SLC14A2: variants seen among roughly 807,000 people sequenced by gnomAD.
The protein encoded by SLC14A2 is urea transporter 2.
In SLC14A2, 91 loss-of-function variants were observed where a neutral mutation model predicts 104.6. The observed-to-expected ratio is 0.87, with a 90% CI of 0.73 to 1.04. The LOEUF (loss-of-function observed/expected upper bound fraction) is 1.04. Ranked by LOEUF, SLC14A2 falls within the 50% of genes least tolerant of loss-of-function variation. The pLI is 0.00. For synonymous variants in SLC14A2, 476 were observed against 466.4 expected (o/e 1.02, Z -0.27); for missense variants, 1,189 against 1,156.0 (o/e 1.03, Z -0.41).
intron 10 of SLC14A2, among the ~76,000 whole-genome samples, chr18:45,644,657 G>T (rs1162198034): frequency 6.6e-6 from 1 of 152,080 alleles, no homozygotes; most frequent in Non-Finnish European, 1.5e-5. Context: ...TCACACTGAT[G>T]GGATTTTAAA....
chr18:45,284,009 A>G (rs1233804104), intron 1 of SLC14A2, among the ~76,000 whole-genome samples: 2 of 152,238 alleles, frequency 1.3e-5, no homozygotes, highest in South Asian at 2.1e-4. Flanking sequence ...TACACATTCA[A>G]ATGACAGTAT....
chr18:45,548,934 G>T (rs900972529), intron 2 of SLC14A2, among the ~76,000 whole-genome samples: 7 of 152,186 alleles, frequency 4.6e-5, no homozygotes, highest in African/African-American at 7.2e-5. Flanking sequence ...TGGAGCATCT[G>T]CAGCAGGTAT....
chr18:45,302,295 G>C (rs113218829), intron 1 of SLC14A2, among the ~76,000 whole-genome samples: 14,067 of 152,286 alleles, frequency 0.092, 841 homozygotes, highest in African/African-American at 0.15. Flanking sequence ...GTTGGAATAA[G>C]TGGAATAAGA....
At chr18:45,218,564 T>C (rs191713087) in intron 1 of SLC14A2, among the ~76,000 whole-genome samples, 252 of 152,350 alleles carry the variant, frequency 1.7e-3, no homozygotes, top group Middle Eastern at 3.4e-3. Flanking sequence ...ATATATGCCA[T>C]GTGGTACCCA....
At position 45,414,755 on chromosome 18, in the gene SLC14A2, AAAATATATAT is replaced by A. The variant is rs1249403304; in HGVS notation, c.-124-68476_-124-68467del. ...CAAGGCACCGAGCGTAAAAAAAAAAAAAATATATATATATATATATATATATATATATATA... is the reference window on the plus strand; with the variant it reads ...CAAGGCACCGAGCGTAAAAAAAAAAAATATATATATATATATATATATATA... On this transcript the variant is annotated intron_variant, in intron 1 of 20. Transcript: ENST00000586448. 5.2e-3 allele frequency among the ~76,000 whole-genome samples: 332 copies of A among 64,128 alleles called. 14 individuals carry two copies. Among genetic ancestry groups the A allele is most frequent in the African/African-American group, 0.025 (311 of 12,512 alleles). The allele number at this position is 64,128 out of a possible 152,430, so 42.1% of individuals were successfully genotyped here.
At chr18:45,503,974 G>T (rs1334546030) in intron 2 of SLC14A2, among the ~76,000 whole-genome samples, 3 of 152,150 alleles carry the variant, frequency 2.0e-5, no homozygotes, top group African/African-American at 7.2e-5. Context: ...CTGTCTCCTG[G>T]TCTAATGGTC....
chr18:45,379,413 A>G (rs1365451327), intron 1 of SLC14A2, among the ~76,000 whole-genome samples: 1 of 152,164 alleles, frequency 6.6e-6, no homozygotes, highest in African/African-American at 2.4e-5. Flanking sequence ...GAAGACAGCT[A>G]TCAGATCTGC....
chr18:45,379,080 A>G (rs2255320), intron 1 of SLC14A2, among the ~76,000 whole-genome samples: 62,997 of 151,972 alleles, frequency 0.41, 14,064 homozygotes, highest in African/African-American at 0.58. Flanking sequence ...TTTTACCCAA[A>G]CCCGAACAGT....
At chr18:45,460,500 A>G (rs2087025172) in intron 1 of SLC14A2, among the ~76,000 whole-genome samples, 1 of 152,000 alleles carries the variant, frequency 6.6e-6, no homozygotes, top group South Asian at 2.1e-4. Flanking sequence ...CCTCTGTGAA[A>G]CTCCCAACTT....
At chr18:45,392,265 C>A (rs1018511511) in intron 1 of SLC14A2, among the ~76,000 whole-genome samples, 5 of 152,184 alleles carry the variant, frequency 3.3e-5, no homozygotes, top group Non-Finnish European at 7.3e-5. Context: ...TGCTTCTCCC[C>A]TATGCTTGCC....
intron 18 of SLC14A2, 117 bp downstream of exon 18, chr18:45,673,934 G>A: frequency 9.4e-7 from 1 of 1,062,064 alleles, no homozygotes; most frequent in Non-Finnish European, 1.4e-6. Context: ...TATTTTCACT[G>A]AATACTCAAC....
At chr18:45,191,525 G>A in the SLC14A2 span, among the ~76,000 whole-genome samples, 7 of 152,104 alleles carry the variant, frequency 4.6e-5, no homozygotes, top group South Asian at 2.1e-4. Context: ...TGTCCCAAAG[G>A]AAATGACATT....
intron 1 of SLC14A2, among the ~76,000 whole-genome samples, chr18:45,241,440 A>G (rs2084314518): frequency 6.6e-6 from 1 of 152,090 alleles, no homozygotes; most frequent in African/African-American, 2.4e-5. Context: ...CAATGGAAAC[A>G]AAAGGCCCTT....
chr18:45,471,434 G>A (rs2087246850), intron 1 of SLC14A2, among the ~76,000 whole-genome samples: 1 of 152,000 alleles, frequency 6.6e-6, no homozygotes, highest in Non-Finnish European at 1.5e-5. Context: ...TGCTTTGTAG[G>A]CAGATTTAAA....
In SLC14A2 at chr18:45,466,613, C is replaced by T. The variant is rs1049230596; in HGVS notation, c.-124-16620C>T. ...AGGCACAGAGTCCACAGAGACAGAC[C>T]AAAAACTCAGGTGACCTAACATCCT... On this transcript the variant is annotated intron_variant, in intron 1 of 20. Transcript: ENST00000586448. Among the ~76,000 whole-genome samples the T allele has an allele frequency of 2.0e-5, 3 of 148,068 alleles. No individual in the cohort carries two copies. The East Asian group carries it at 6.0e-4, about 29-fold the overall frequency.
At chr18:45,646,417 C>G (rs1256818687) in intron 10 of SLC14A2, 1 of 152,176 alleles carries the variant, frequency 6.6e-6, no homozygotes, top group Non-Finnish European at 1.5e-5. Context: ...AAAATGGAGG[C>G]AAGGCTCCCA....
intron 1 of SLC14A2, among the ~76,000 whole-genome samples, chr18:45,419,392 T>A (rs1278166916): frequency 6.6e-6 from 1 of 152,242 alleles, no homozygotes; most frequent in Non-Finnish European, 1.5e-5. Context: ...GCCCCTTCAC[T>A]CTTCCTTACT....
At chr18:45,473,425 T>C (rs1296934295) in intron 1 of SLC14A2, among the ~76,000 whole-genome samples, 1 of 152,240 alleles carries the variant, frequency 6.6e-6, no homozygotes, top group Non-Finnish European at 1.5e-5. Flanking sequence ...AAGCCAATGG[T>C]AGCTTGATGG....
At chr18:45,364,990 C>G (rs1035863820) in intron 1 of SLC14A2, among the ~76,000 whole-genome samples, 11 of 152,158 alleles carry the variant, frequency 7.2e-5, no homozygotes, top group African/African-American at 2.7e-4. Context: ...TTTGGGGGGT[C>G]ATAGAATTCT....
Sources: allele counts gnomAD v4.1 joint callset (sites outside exome capture counted in the v4.1 genomes callset), GRCh38; gene constraint gnomAD v4.1.1; transcripts MANE v1.5; gene names NCBI Gene and HGNC (gene_info 2026-07-23, HGNC 2026-07-21).